Variants in GPC6 observed in about 807,000 individuals in gnomAD.
The protein encoded by GPC6 is glypican 6, also known as glypican-6.
Under a neutral mutation model 55.2 loss-of-function variants are expected in GPC6, and 14 were observed. The observed-to-expected ratio is 0.25, with a 90% CI of 0.17 to 0.40. GPC6 has a LOEUF of 0.40. GPC6 is among the 10% of genes least tolerant of loss of function. The pLI is 1.00. For missense variants in GPC6, 641 were observed against 708.5 expected (o/e 0.90, Z 1.08); for synonymous variants, 278 against 259.6 (o/e 1.07, Z -0.68).
chr13:94,101,969 A>G lies in GPC6; in HGVS notation c.877+74075A>G, dbSNP rs139172264. 4.6e-5 allele frequency among the ~76,000 whole-genome samples: 7 copies of G among 152,272 alleles called. No homozygotes were observed. The East Asian group carries it at 1.4e-3, about 29-fold the overall frequency. ...TGATTTAAAAAAATGAGACAATGGA[A>G]TGAGCAATTATCAAATGGTTTTTGC... On this transcript the variant is annotated intron_variant, in intron 4 of 8. Coordinates refer to ENST00000377047, the MANE Select transcript of GPC6 (RefSeq NM_005708.5).
Position 94,111,839 on chromosome 13 carries a change from A to C in GPC6, c.877+83945A>C, listed in dbSNP as rs138931132. ...GCTTTTTGATGTGAATTCCCTTTGA[A>C]AAAGGAAGATACCATTTACACTTAC... is the stretch of plus-strand genomic sequence containing the variant. On this transcript the variant is annotated intron_variant, in intron 4 of 8. Coordinates refer to ENST00000377047, the MANE Select transcript of GPC6 (RefSeq NM_005708.5). Among the ~76,000 whole-genome samples, 49 of 152,218 alleles carry C rather than the reference A, an allele frequency of 3.2e-4. No homozygotes were observed. The East Asian group carries it at 7.7e-3, about 24-fold the overall frequency.
intron 3 of GPC6, among the ~76,000 whole-genome samples, chr13:93,862,270 G>T (rs1888836471): frequency 6.6e-6 from 1 of 151,622 alleles, no homozygotes; most frequent in Admixed American, 6.6e-5. Context: ...GGAAGGCAGT[G>T]TCATGGAGTT....
intron 1 of GPC6, among the ~76,000 whole-genome samples, chr13:93,487,230 T>A (rs192693764): frequency 6.6e-6 from 1 of 152,316 alleles, no homozygotes; most frequent in African/African-American, 2.4e-5. Context: ...AATTTTTTTT[T>A]AACTTTTATT....
chr13:94,001,704 G>A (rs552231685), intron 3 of GPC6, among the ~76,000 whole-genome samples: 12 of 152,246 alleles, frequency 7.9e-5, no homozygotes, highest in African/African-American at 2.4e-4. Flanking sequence ...TGTTACATAC[G>A]TGAATGAAAA....
chr13:93,719,722 G>T (rs1883383333), intron 2 of GPC6, among the ~76,000 whole-genome samples: 1 of 152,030 alleles, frequency 6.6e-6, no homozygotes, highest in African/African-American at 2.4e-5. Context: ...TTGCATATTT[G>T]TCATAAATAG....
chr13:93,751,734 C>G (rs1884600613), intron 2 of GPC6, among the ~76,000 whole-genome samples: 1 of 151,908 alleles, frequency 6.6e-6, no homozygotes, highest in South Asian at 2.1e-4. Flanking sequence ...CCATCTTGCC[C>G]AGGGTGGTTT....
At chr13:93,748,075 C>T (rs116607014) in intron 2 of GPC6, among the ~76,000 whole-genome samples, 158 of 152,262 alleles carry the variant, frequency 1.0e-3, no homozygotes, top group African/African-American at 3.6e-3. Context: ...GATTGACTGT[C>T]TTTTATAATG....
chr13:94,304,612 A>C (rs1289497149), intron 5 of GPC6, among the ~76,000 whole-genome samples: 1 of 152,244 alleles, frequency 6.6e-6, no homozygotes, highest in African/African-American at 2.4e-5. Context: ...AAACTTCATC[A>C]AAGTTTCCTG....
At chr13:93,290,575 A>T (rs1323115884) in intron 1 of GPC6, among the ~76,000 whole-genome samples, 1 of 152,168 alleles carries the variant, frequency 6.6e-6, no homozygotes, top group Non-Finnish European at 1.5e-5. Flanking sequence ...TCAAAGCAAC[A>T]TAGATTAGAG....
At chr13:93,323,091 A>G (rs925684656) in intron 1 of GPC6, among the ~76,000 whole-genome samples, 3 of 152,204 alleles carry the variant, frequency 2.0e-5, no homozygotes, top group African/African-American at 7.2e-5. Context: ...GGCAATACAA[A>G]TGATTTCTTT....
At chr13:93,504,081 A>G (rs1030229118) in intron 1 of GPC6, among the ~76,000 whole-genome samples, 2 of 152,198 alleles carry the variant, frequency 1.3e-5, no homozygotes, top group African/African-American at 4.8e-5. Flanking sequence ...TCAAACTATA[A>G]AGAAAGAGTA....
chr13:93,369,969 A>G (rs1254380076), intron 1 of GPC6, among the ~76,000 whole-genome samples: 3 of 152,116 alleles, frequency 2.0e-5, no homozygotes, highest in Non-Finnish European at 2.9e-5. Context: ...TTAAAATGCC[A>G]ATAGACATCC....
chr13:93,694,691 G>A (rs910182559), intron 2 of GPC6, among the ~76,000 whole-genome samples: 15 of 152,056 alleles, frequency 9.9e-5, no homozygotes, highest in Non-Finnish European at 1.6e-4. Context: ...TACTGTCACC[G>A]CACAACTTTA....
intron 2 of GPC6, among the ~76,000 whole-genome samples, chr13:93,596,606 AATAAATATAT>A (rs1052409894): frequency 9.1e-5 from 5 of 54,820 alleles, no homozygotes; most frequent in African/African-American, 3.2e-4. Flanking sequence ...TAAATAAATA[AATAAATATAT>A]ATATATATAT....
intron 1 of GPC6, among the ~76,000 whole-genome samples, chr13:93,375,512 A>G (rs1471993150): frequency 6.6e-6 from 1 of 152,124 alleles, no homozygotes; most frequent in Non-Finnish European, 1.5e-5. Flanking sequence ...GATATATACA[A>G]TGGTAGAGGG....
At chr13:93,222,885 C>A (rs1875658950), upstream of GPC6, among the ~76,000 whole-genome samples, 1 of 152,164 alleles carries the variant, frequency 6.6e-6, no homozygotes, top group Non-Finnish European at 1.5e-5. Flanking sequence ...ACTCAAGGTT[C>A]TTTGCATCCC....
intron 5 of GPC6, among the ~76,000 whole-genome samples, chr13:94,293,786 G>T (rs965722954): frequency 5.3e-5 from 8 of 152,148 alleles, no homozygotes; most frequent in Non-Finnish European, 8.8e-5. Flanking sequence ...TGCAGCCCAG[G>T]TCTGTCAGAT....
chr13:94,207,049 T>C (rs1889926360), intron 4 of GPC6, among the ~76,000 whole-genome samples: 1 of 152,086 alleles, frequency 6.6e-6, no homozygotes, highest in Non-Finnish European at 1.5e-5. Flanking sequence ...CCACTGAAGT[T>C]ACTCAAATTA....
At chr13:93,342,708 T>C (rs949899182) in intron 1 of GPC6, among the ~76,000 whole-genome samples, 1 of 152,108 alleles carries the variant, frequency 6.6e-6, no homozygotes, top group Non-Finnish European at 1.5e-5. Flanking sequence ...GGATTTGAGA[T>C]ACGTGTTGGC....
Sources: gnomAD v4.1 joint callset for allele counts (sites outside exome capture counted in the v4.1 genomes callset) on GRCh38, gnomAD v4.1.1 for gene constraint, MANE v1.5 for transcripts, NCBI Gene and HGNC (gene_info 2026-07-23, HGNC 2026-07-21) for gene names.